Variants in PRKAG3 observed in about 807,000 individuals in gnomAD.
PRKAG3 encodes the protein protein kinase AMP-activated non-catalytic subunit gamma 3.
PRKAG3 carries 39 observed loss-of-function variants against 56.5 expected under a neutral mutation model. That is an observed-to-expected ratio of 0.69 (90% CI 0.53 to 0.90). The LOEUF (loss-of-function observed/expected upper bound fraction) is 0.90, where lower values mean the gene tolerates loss of function less well. Ranked by LOEUF, PRKAG3 falls within the 40% of genes least tolerant of loss-of-function variation. The probability of loss-of-function intolerance (pLI) is 0.00; values close to 1 mark genes in which losing one functional copy is unlikely to be tolerated. For synonymous variants in PRKAG3, 243 were observed against 250.1 expected, an observed-to-expected ratio of 0.97 and a Z score of 0.27; for missense variants, 628 against 627.5, an observed-to-expected ratio of 1.00 and a Z score of -0.01.
chr2:218,824,238 C>T (rs200750014), exon 12 of PRKAG3: 1 of 1,614,150 alleles, frequency 6.2e-7, no homozygotes, highest in Non-Finnish European at 8.5e-7. Context: ...CCGAGCAATC[C>T]TGTCGATCAC....
At chr2:218,828,388 C>T (rs1023604569) in intron 5 of PRKAG3, 131 bp downstream of exon 5, 23 of 1,008,408 alleles carry the variant, frequency 2.3e-5, no homozygotes, top group South Asian at 1.9e-4. Flanking sequence ...GGACTTTCCT[C>T]CACCCTGGCC....
At chr2:218,825,584 G>T (rs1389826547) in intron 10 of PRKAG3, among the ~76,000 whole-genome samples, 2 of 142,048 alleles carry the variant, frequency 1.4e-5, no homozygotes, top group Non-Finnish European at 2.9e-5. Flanking sequence ...GGAGGCAGAG[G>T]TTGCAGTGAG....
In PRKAG3 at chr2:218,824,377, G is replaced by A. The variant is rs752920375; in HGVS notation, c.1207-9C>T. On this transcript the variant is annotated splice_polypyrimidine_tract_variant and intron_variant, in intron 11 of 12. Coordinates refer to ENST00000529249, the Ensembl canonical transcript of PRKAG3. Reference sequence around the variant, plus strand: ...TGCTGGGCAGCCAGGTGCTGGGGCAGAGAGAGAAGTATGGCTCCTAGTCAC... The same window carrying A: ...TGCTGGGCAGCCAGGTGCTGGGGCAAAGAGAGAAGTATGGCTCCTAGTCAC... The A allele has an allele frequency of 1.2e-6, 2 of 1,614,112 alleles. No individual in the cohort carries two copies. The highest frequency in any genetic ancestry group is 1.1e-5 in the South Asian group (1 of 91,078).
exon 4 of PRKAG3, chr2:218,830,294 C>T (rs1440776292): frequency 3.1e-6 from 5 of 1,613,384 alleles, no homozygotes; most frequent in South Asian, 2.2e-5. Flanking sequence ...AGTGCCCACC[C>T]CGGCAGGATC....
At chr2:218,826,841 T>G in intron 10 of PRKAG3, 87 bp downstream of exon 10, 4 of 1,544,268 alleles carry the variant, frequency 2.6e-6, no homozygotes, top group Non-Finnish European at 3.6e-6. Context: ...AGGGATGGCA[T>G]GAGAAACCCT....
intron 12 of PRKAG3, 128 bp downstream of exon 12, chr2:218,824,094 T>A (rs2105985349): frequency 6.8e-7 from 1 of 1,465,336 alleles, no homozygotes; most frequent in East Asian, 2.4e-5. Context: ...CAGGCCAGTG[T>A]GGGCACCAGG....
chr2:218,826,637 C>T (rs924781966), intron 10 of PRKAG3: 4 of 410,676 alleles, frequency 9.7e-6, no homozygotes, highest in Non-Finnish European at 1.9e-5. Context: ...AAACTAAAAT[C>T]TGCTGCTTCC....
At chr2:218,826,422 T>C (rs1575211162) in intron 10 of PRKAG3, among the ~76,000 whole-genome samples, 1 of 152,134 alleles carries the variant, frequency 6.6e-6, no homozygotes, top group Non-Finnish European at 1.5e-5. Context: ...GGGCCCGAGG[T>C]CCCATGGCAC....
Position 218,827,331 on chromosome 2 carries a change from A to G in PRKAG3, c.918T>C (p.His306=). ...ACACCGGGTCAAGAACAGGCAGGCGATGGATCCGGTTCTTGATGAGGGTGT... is the reference window on the plus strand; with the variant it reads ...ACACCGGGTCAAGAACAGGCAGGCGGTGGATCCGGTTCTTGATGAGGGTGT... Residue 306 remains histidine, a synonymous_variant, in exon 9 of 13, where the codon CAT becomes CAC. Transcript: ENST00000529249. This position sits in a 1 kb window ranked among gnomAD's most constrained non-coding sequence, Gnocchi z 5.3. 6.2e-7 allele frequency: 1 copy of G among 1,614,154 alleles called. No homozygotes were observed. The highest frequency in any genetic ancestry group is 8.5e-7 in the Non-Finnish European group (1 of 1,180,026).
At chr2:218,831,708 C>T (rs182440721) in intron 1 of PRKAG3, 30 bp downstream of exon 1, 2 of 1,605,272 alleles carry the variant, frequency 1.2e-6, no homozygotes, top group Non-Finnish European at 1.7e-6. Context: ...CTCAGCTGCC[C>T]CGGCTCCGGC....
chr2:218,827,451 CA>C lies in PRKAG3; in HGVS notation c.876-79del. The C allele has an allele frequency of 6.2e-7, 1 of 1,608,618 alleles. No homozygotes were observed. Among genetic ancestry groups the C allele is most frequent in the Admixed American group, 1.7e-5 (1 of 60,006 alleles). ...CATCCCAGGCCCCTAAAAAGGAGGG[CA>C]GGGCACCAAGGCTCCCTTGTCTGTG... is the stretch of plus-strand genomic sequence containing the variant. On this transcript the variant is annotated intron_variant, in intron 8 of 12. Transcript: ENST00000529249. This position sits in a 1 kb window ranked among gnomAD's most constrained non-coding sequence, Gnocchi z 5.3.
rs751680957 is a variant in PRKAG3 at position 218,831,722 on chromosome 2, C to G, written c.33+16G>C. The G allele has an allele frequency of 6.2e-7, 1 of 1,609,624 alleles. No individual in the cohort carries two copies. The highest frequency in any genetic ancestry group is 1.1e-5 in the South Asian group (1 of 89,704). ...CCTCAGCTGCCCCGGCTCCGGCTCC[C>G]CTGGGACCCCCATACCCTGCGCAGT... On this transcript the variant is annotated intron_variant, in intron 1 of 12. Transcript: ENST00000529249.
intron 10 of PRKAG3, among the ~76,000 whole-genome samples, chr2:218,825,980 C>T (rs868003239): frequency 1.3e-5 from 2 of 152,070 alleles, no homozygotes; most frequent in East Asian, 3.9e-4. Flanking sequence ...AGGATAGTCT[C>T]GATCTCTTGA....
downstream of PRKAG3, chr2:218,822,374 C>T (rs1943859558): frequency 6.6e-6 from 1 of 152,072 alleles, no homozygotes; most frequent in East Asian, 1.9e-4. Context: ...AGTAGAATAG[C>T]GCTACATTGC....
chr2:218,823,102 G>T (rs537942618), downstream of PRKAG3: 2 of 916,716 alleles, frequency 2.2e-6, no homozygotes, highest in South Asian at 1.0e-4. Context: ...AAGGGAAGAT[G>T]GTGACCACAT....
Position 218,827,929 on chromosome 2 carries a change from G to A in PRKAG3, c.775-51C>T. On this transcript the variant is annotated intron_variant, in intron 6 of 12. Coordinates refer to ENST00000529249, the Ensembl canonical transcript of PRKAG3. This position sits in a 1 kb window ranked among gnomAD's most constrained non-coding sequence, Gnocchi z 5.3. ...AGTCAGAAAGACGTGGGCTTCTAGG[G>A]CACCAGGCTCCAGGAGGACTCCCCT... is the stretch of plus-strand genomic sequence containing the variant. The A allele has an allele frequency of 6.2e-7, 1 of 1,611,132 alleles. No homozygotes were observed. Among genetic ancestry groups the A allele is most frequent in the East Asian group, 2.2e-5 (1 of 44,856 alleles).
chr2:218,830,922 G>C, intron 2 of PRKAG3, 21 bp from the exon 3 acceptor site: 1 of 1,612,280 alleles, frequency 6.2e-7, no homozygotes, highest in Non-Finnish European at 8.5e-7. Flanking sequence ...AATGGGGCCT[G>C]TTTGGTTAAT....
At chr2:218,828,138 C>A (rs1575212238) in intron 5 of PRKAG3, 76 bp from the exon 6 acceptor site, 2 of 1,324,492 alleles carry the variant, frequency 1.5e-6, no homozygotes, top group East Asian at 2.5e-5. Flanking sequence ...ATCCCCTCCC[C>A]ACCCTGCCAG....
chr2:218,831,698 C>G, intron 1 of PRKAG3, 40 bp downstream of exon 1: 1 of 1,600,808 alleles, frequency 6.2e-7, no homozygotes, highest in South Asian at 1.1e-5. Flanking sequence ...ATCTTCTGGC[C>G]TCAGCTGCCC....
Sources: allele counts gnomAD v4.1 joint callset (sites outside exome capture counted in the v4.1 genomes callset), GRCh38; gene constraint gnomAD v4.1.1; non-coding constraint Gnocchi (gnomAD v3.1); transcripts MANE v1.5; gene names NCBI Gene and HGNC (gene_info 2026-07-23, HGNC 2026-07-21).